CHST1: variants seen among roughly 807,000 people sequenced by gnomAD.
The protein encoded by CHST1 is carbohydrate sulfotransferase 1, also known as Keratan sulfotransferase.
A neutral mutation model predicts 22.5 loss-of-function variants in CHST1; 10 were observed. That is an observed-to-expected ratio of 0.44 (90% CI 0.27 to 0.75). The LOEUF (loss-of-function observed/expected upper bound fraction) is 0.75, where lower values mean the gene tolerates loss of function less well. CHST1 is among the 30% of genes least tolerant of loss of function. The pLI is 0.15. For missense variants in CHST1, 439 were observed against 576.1 expected (o/e 0.76, Z 2.44); for synonymous variants, 267 against 264.5 (o/e 1.01, Z -0.09).
In CHST1 at chr11:45,649,550, G is replaced by C. The variant is rs571974840; in HGVS notation, c.*138C>G. On this transcript the variant is annotated 3_prime_UTR_variant, in exon 4 of 4. Transcript: ENST00000308064. ...TTCAGAGACAAAAAAGGGGCAGAAG[G>C]GAGTGGGGTGAGCTGGGGGCAGGAA... 19 of 899,690 alleles carry C rather than the reference G, an allele frequency of 2.1e-5. No homozygotes were observed. The East Asian group carries it at 4.2e-4, about 20-fold the overall frequency. The allele number at this position is 899,690 out of a possible 1,614,324, so 55.7% of individuals were successfully genotyped here.
chr11:45,650,800 G>A lies in CHST1; in HGVS notation c.124C>T (p.Leu42=), dbSNP rs1217042014. ...CTCTCCTCGCACAGTCGCTCGGCCA[G>A]CCCGGCCTCTGCCAGCCCGGGGCAG... The part of the protein sequence containing the change: ...HTCPGLAEAG[L]AERLCEESPT... The change falls in exon 4 of 4, where the codon CTG becomes TTG. Residue 42 remains leucine (L), a synonymous_variant. Coordinates refer to ENST00000308064, the MANE Select transcript of CHST1 (RefSeq NM_003654.6). 2 of 1,613,058 alleles carry A rather than the reference G, an allele frequency of 1.2e-6. No homozygotes were observed. Among genetic ancestry groups the A allele is most frequent in the Non-Finnish European group, 1.7e-6 (2 of 1,179,482 alleles).
In CHST1 at chr11:45,648,835, C is replaced by A. The variant is rs1170596368; in HGVS notation, c.*853G>T. 1 of 152,538 alleles carries A rather than the reference C, an allele frequency of 6.6e-6. No individual in the cohort carries two copies. The highest frequency in any genetic ancestry group is 1.5e-5 in the Non-Finnish European group (1 of 68,054). 9.4% of individuals were successfully genotyped at this position (152,538 alleles called of 1,614,324 possible). On this transcript the variant is annotated 3_prime_UTR_variant, in exon 4 of 4. Transcript: ENST00000308064. Reference sequence around the variant, plus strand: ...TAGGAACACCCAGACCCGGCTGAGGCCCTCTCGTACCCATTCAGAATGTCC... The same window carrying A: ...TAGGAACACCCAGACCCGGCTGAGGACCTCTCGTACCCATTCAGAATGTCC...
At chr11:45,656,869 G>C (rs756800484) in intron 1 of CHST1, among the ~76,000 whole-genome samples, 1 of 152,120 alleles carries the variant, frequency 6.6e-6, no homozygotes, top group Non-Finnish European at 1.5e-5. Flanking sequence ...CTGAGATACA[G>C]GGACGGAGCT....
chr11:45,656,878 C>G (rs1244531208), intron 1 of CHST1, among the ~76,000 whole-genome samples: 1 of 152,090 alleles, frequency 6.6e-6, no homozygotes, highest in Non-Finnish European at 1.5e-5. Flanking sequence ...AGGGACGGAG[C>G]TGAAATAAAG....
chr11:45,661,375 G>C (rs976964976), intron 1 of CHST1, among the ~76,000 whole-genome samples: 1 of 152,236 alleles, frequency 6.6e-6, no homozygotes, highest in Non-Finnish European at 1.5e-5. Context: ...TAAACAGTCC[G>C]TTAATGAAAT....
At position 45,650,742 on chromosome 11, in the gene CHST1, G is replaced by A. The variant is rs761224813; in HGVS notation, c.182C>T (p.Thr61Ile). 19 of 1,614,144 alleles carry A rather than the reference G, an allele frequency of 1.2e-5. No individual in the cohort carries two copies. The East Asian group carries it at 4.0e-4, about 34-fold the overall frequency. Reference protein sequence around the residue: ...PTFAYNLSRKTHILILATTRS... With the variant: ...PTFAYNLSRKIHILILATTRS... ...CGTGGTGGCCAGGATGAGGATGTGG[G>A]TCTTGCGGGAGAGGTTGTAGGCGAA... The change falls in exon 4 of 4, where the codon ACC becomes ATC. Residue 61 changes from threonine to isoleucine, a missense_variant. Transcript: ENST00000308064.
chr11:45,650,132 G>T lies in CHST1; in HGVS notation c.792C>A (p.Pro264=). The T allele has an allele frequency of 6.2e-7, 1 of 1,613,950 alleles. No homozygotes were observed. Among genetic ancestry groups the T allele is most frequent in the Non-Finnish European group, 8.5e-7 (1 of 1,180,030 alleles). Residue 264 remains proline (P), a synonymous_variant, in exon 4 of 4, where the codon CCC becomes CCA. Transcript: ENST00000308064. ...TCAGCTGCGTCACGTCCAGGTTGTA[G>T]GGTTTCCTCCCGGTGCCGTACCAGA... The part of the protein sequence containing the change: ...WRLWYGTGRK[P]YNLDVTQLTT...
intron 1 of CHST1, among the ~76,000 whole-genome samples, chr11:45,663,372 T>C (rs559463503): frequency 1.3e-5 from 2 of 150,256 alleles, no homozygotes; most frequent in East Asian, 2.0e-4. Context: ...GGGGGGAGAG[T>C]GGTCAGGGGG....
At chr11:45,654,738 A>G (rs1852040997) in intron 1 of CHST1, among the ~76,000 whole-genome samples, 1 of 152,214 alleles carries the variant, frequency 6.6e-6, no homozygotes, top group Admixed American at 6.5e-5. Flanking sequence ...GGAGACCACG[A>G]TCTATCATTT....
intron 1 of CHST1, among the ~76,000 whole-genome samples, chr11:45,657,945 C>T (rs1852082832): frequency 6.6e-6 from 1 of 152,228 alleles, no homozygotes; most frequent in Admixed American, 6.5e-5. Context: ...CCAAGACAAG[C>T]ACCTGGAGAG....
chr11:45,650,987 G>A (rs1427146399), intron 3 of CHST1, 22 bp from the exon 4 acceptor site: 18 of 1,491,726 alleles, frequency 1.2e-5, no homozygotes, highest in Non-Finnish European at 1.4e-5. Flanking sequence ...GGCGGCCAGC[G>A]GTCAGGTGCC....
At chr11:45,657,430 T>C (rs909228670) in intron 1 of CHST1, among the ~76,000 whole-genome samples, 3 of 152,136 alleles carry the variant, frequency 2.0e-5, no homozygotes, top group Admixed American at 6.5e-5. Flanking sequence ...AAATATTTCA[T>C]TTACTTGTTT....
intron 1 of CHST1, among the ~76,000 whole-genome samples, chr11:45,659,612 G>A (rs546374512): frequency 5.4e-4 from 82 of 152,216 alleles, no homozygotes; most frequent in African/African-American, 1.8e-3. Flanking sequence ...CCAGCTGAAC[G>A]ACAAGAATGA....
intron 1 of CHST1, among the ~76,000 whole-genome samples, chr11:45,658,761 C>CT (rs761396579): frequency 6.6e-6 from 1 of 152,032 alleles, no homozygotes; most frequent in Non-Finnish European, 1.5e-5. Flanking sequence ...CTCTACAGCC[C>CT]CGACACTGGG....
At chr11:45,651,065 G>C (rs972491877) in intron 3 of CHST1, 100 bp from the exon 4 acceptor site, 1 of 859,724 alleles carries the variant, frequency 1.2e-6, no homozygotes, top group African/African-American at 1.7e-5. Context: ...GAAAGGCCCG[G>C]CTCCTGTCCA....
chr11:45,654,921 C>T (rs1170440642), intron 1 of CHST1, among the ~76,000 whole-genome samples: 1 of 152,220 alleles, frequency 6.6e-6, no homozygotes, highest in Admixed American at 6.5e-5. Context: ...ATCTGTCACT[C>T]AGCAGGTGTG....
At chr11:45,651,092 C>T (rs746297524) in intron 3 of CHST1, 127 bp from the exon 4 acceptor site, 7 of 610,256 alleles carry the variant, frequency 1.1e-5, no homozygotes, top group African/African-American at 3.7e-5. Context: ...ACCACACACC[C>T]TGAAGACCTA....
At chr11:45,662,315 C>T (rs554460558) in intron 1 of CHST1, among the ~76,000 whole-genome samples, 130 of 152,316 alleles carry the variant, frequency 8.5e-4, no homozygotes, top group Non-Finnish European at 1.4e-3. Flanking sequence ...AAGGCTGAGG[C>T]AGGGAGCTGC....
At position 45,649,471 on chromosome 11, in the gene CHST1, C is replaced by G; in HGVS notation, c.*217G>C. On this transcript the variant is annotated 3_prime_UTR_variant, in exon 4 of 4. Coordinates refer to ENST00000308064, the MANE Select transcript of CHST1 (RefSeq NM_003654.6). ...TGAATGGGGGGGGGGGGGGCGGGACCCTACTTCAGGCGCCCTCTGCCCCAG... is the reference window on the plus strand; with the variant it reads ...TGAATGGGGGGGGGGGGGGCGGGACGCTACTTCAGGCGCCCTCTGCCCCAG... The G allele has an allele frequency of 1.8e-6, 1 of 558,048 alleles. No individual in the cohort carries two copies. The highest frequency in any genetic ancestry group is 3.0e-5 in the East Asian group (1 of 33,790). The allele number at this position is 558,048 out of a possible 1,614,324, so 34.6% of individuals were successfully genotyped here.
Sources: gnomAD v4.1 joint callset for allele counts (sites outside exome capture counted in the v4.1 genomes callset) on GRCh38, gnomAD v4.1.1 for gene constraint, MANE v1.5 for transcripts, NCBI Gene and HGNC (gene_info 2026-07-23, HGNC 2026-07-21) for gene names.